The following CIROZ variants were observed in gnomAD, a reference collection of about 807,000 sequenced individuals.
CIROZ encodes the protein ciliated left-right organizer protein containing ZP-N domains.
At chr1:10,948,232 C>T in the CIROZ span, 4 of 1,613,978 alleles carry the variant, frequency 2.5e-6, no homozygotes, top group Non-Finnish European at 3.4e-6. Context: ...CTGGCCCCCT[C>T]CCTGGGGAGA....
chr1:10,954,453 CAA>C, the CIROZ span, among the ~76,000 whole-genome samples: 7 of 117,298 alleles, frequency 6.0e-5, no homozygotes, highest in East Asian at 2.4e-4. Flanking sequence ...GACTCTGTCT[CAA>C]AAAAAAAAAA....
chr1:10,966,486 G>T, the CIROZ span: 1 of 1,531,926 alleles, frequency 6.5e-7, no homozygotes, highest in Non-Finnish European at 8.7e-7. Flanking sequence ...CAGGTGCCTG[G>T]AATGAGAAAG....
At chr1:10,981,985 C>G in the CIROZ span, 2 of 1,537,182 alleles carry the variant, frequency 1.3e-6, no homozygotes, top group Non-Finnish European at 1.7e-6. Context: ...ACTGGCTTCT[C>G]CCAATTCCTG....
At chr1:10,948,169 C>T in the CIROZ span, 5 of 1,613,578 alleles carry the variant, frequency 3.1e-6, no homozygotes, top group East Asian at 1.1e-4. Context: ...ATGGAGAGTC[C>T]CGGCCCCTCT....
At chr1:10,970,981 A>C in the CIROZ span, among the ~76,000 whole-genome samples, 1 of 146,156 alleles carries the variant, frequency 6.8e-6, no homozygotes, top group Non-Finnish European at 1.5e-5. Context: ...CCCATCTCTA[A>C]GAAAAAAATT....
the CIROZ span, among the ~76,000 whole-genome samples, chr1:10,952,791 C>A: frequency 1.3e-5 from 2 of 152,222 alleles, no homozygotes; most frequent in African/African-American, 2.4e-5. Context: ...GGATTATAGG[C>A]GTGAGCCACC....
chr1:10,981,005 G>T, the CIROZ span, among the ~76,000 whole-genome samples: 1 of 152,208 alleles, frequency 6.6e-6, no homozygotes, highest in Non-Finnish European at 1.5e-5. Flanking sequence ...CAAAAGCCCT[G>T]CAGTCCACGG....
At chr1:10,958,641 A>G in the CIROZ span, 1 of 1,559,574 alleles carries the variant, frequency 6.4e-7, no homozygotes, top group East Asian at 2.2e-5. Flanking sequence ...GCCTCAGAGC[A>G]TCCTGAGCAC....
the CIROZ span, among the ~76,000 whole-genome samples, chr1:10,959,597 C>G: frequency 6.6e-6 from 1 of 152,234 alleles, no homozygotes; most frequent in Admixed American, 6.5e-5. The surrounding 1 kb of genome is among the most constrained non-coding windows in gnomAD (Gnocchi z 4.3). Flanking sequence ...CCATCAGACC[C>G]CCTCTCCTAC....
At chr1:10,954,210 C>G in the CIROZ span, 1 of 1,507,332 alleles carries the variant, frequency 6.6e-7, no homozygotes, top group Non-Finnish European at 9.0e-7. Context: ...AATCCCAGCA[C>G]TTTGGGAGGC....
the CIROZ span, among the ~76,000 whole-genome samples, chr1:10,965,463 C>T: frequency 6.6e-6 from 1 of 152,170 alleles, no homozygotes; most frequent in African/African-American, 2.4e-5. Flanking sequence ...GTGGCTCATT[C>T]CTATCATCTC....
At chr1:10,965,820 C>CAA in the CIROZ span, among the ~76,000 whole-genome samples, 2 of 107,188 alleles carry the variant, frequency 1.9e-5, no homozygotes, top group East Asian at 2.5e-4. Flanking sequence ...GAGCCTCCGT[C>CAA]AAAAAAAAAA....
chr1:10,975,070 A>G, the CIROZ span, among the ~76,000 whole-genome samples: 1 of 152,154 alleles, frequency 6.6e-6, no homozygotes. Context: ...TCAAGAGTTC[A>G]AGATCAGCCT....
the CIROZ span, among the ~76,000 whole-genome samples, chr1:10,970,923 T>C: frequency 6.2e-3 from 925 of 150,000 alleles, 11 homozygotes; most frequent in African/African-American, 0.021. Context: ...GGAGAGCAGA[T>C]TGCTTAAGCT....
the CIROZ span, among the ~76,000 whole-genome samples, chr1:10,977,388 C>A: frequency 1.4e-5 from 2 of 145,582 alleles, no homozygotes; most frequent in Non-Finnish European, 2.9e-5. Flanking sequence ...GAGGCTGAGA[C>A]AAGAGAATTG....
the CIROZ span, among the ~76,000 whole-genome samples, chr1:10,963,117 A>T: frequency 6.6e-6 from 1 of 151,944 alleles, no homozygotes; most frequent in Non-Finnish European, 1.5e-5. Context: ...GGCCGGGTGC[A>T]GTGGCTCCCA....
the CIROZ span, chr1:10,966,336 A>T: frequency 6.7e-7 from 1 of 1,499,734 alleles, no homozygotes; most frequent in South Asian, 1.3e-5. Flanking sequence ...AAAAAAAAAA[A>T]AGAAAAGTTT....
chr1:10,972,424 C>A, the CIROZ span, among the ~76,000 whole-genome samples: 24,433 of 114,320 alleles, frequency 0.21, 1,916 homozygotes, highest in African/African-American at 0.34. Flanking sequence ...CTGAAATACA[C>A]ACACACACAC....
chr1:10,949,883 G>T, the CIROZ span: 1 of 1,363,460 alleles, frequency 7.3e-7, no homozygotes, highest in Non-Finnish European at 9.8e-7. Flanking sequence ...CCCTGCTGAA[G>T]GGACCATGAG....
Sources: allele counts gnomAD v4.1 joint callset (sites outside exome capture counted in the v4.1 genomes callset), GRCh38; gene constraint gnomAD v4.1.1; non-coding constraint Gnocchi (gnomAD v3.1); transcripts MANE v1.5; gene names NCBI Gene and HGNC (gene_info 2026-07-23, HGNC 2026-07-21).